The following DOCK6 variants were observed in gnomAD, a reference collection of about 807,000 sequenced individuals.
DOCK6 encodes dedicator of cytokinesis 6.
DOCK6 carries 167 observed loss-of-function variants against 230.3 expected under a neutral mutation model. The ratio of observed to expected loss-of-function variants is 0.73; its 90% CI spans 0.64 to 0.82. The LOEUF (loss-of-function observed/expected upper bound fraction) is 0.82, where lower values mean the gene tolerates loss of function less well. DOCK6 is among the 40% of genes least tolerant of loss of function. The pLI, the probability that DOCK6 is intolerant of heterozygous loss-of-function variation, is 0.00. For missense variants in DOCK6, 2,598 were observed against 2,825.8 expected (o/e 0.92, Z 1.83); for synonymous variants, 1,148 against 1,185.0 (o/e 0.97, Z 0.64).
At chr19:11,237,147 T>G (rs1395763798) in intron 18 of DOCK6, 4 of 586,906 alleles carry the variant, frequency 6.8e-6, no homozygotes, top group Non-Finnish European at 1.2e-5. Context: ...TAGGAGGATT[T>G]GAGGCCTAGG....
intron 24 of DOCK6, among the ~76,000 whole-genome samples, chr19:11,224,731 C>T (rs2079637488): frequency 6.6e-6 from 1 of 152,130 alleles, no homozygotes; most frequent in African/African-American, 2.4e-5. Context: ...TCTCTTGAGC[C>T]ACTCTGAGGC....
At chr19:11,258,625 G>T (rs1438918981) in intron 1 of DOCK6, among the ~76,000 whole-genome samples, 4 of 151,678 alleles carry the variant, frequency 2.6e-5, no homozygotes, top group Non-Finnish European at 4.4e-5. Flanking sequence ...TAGAGATGGG[G>T]TTTCACCATG....
chr19:11,258,128 GA>G (rs1457968043), intron 1 of DOCK6, among the ~76,000 whole-genome samples: 1 of 152,192 alleles, frequency 6.6e-6, no homozygotes, highest in Non-Finnish European at 1.5e-5. Context: ...ACCAAAGAGG[GA>G]AATAAATGCA....
chr19:11,222,871 G>T lies in DOCK6; in HGVS notation c.3104C>A (p.Ala1035Glu). Residue 1035 changes from alanine (A) to glutamate (E), a missense_variant, in exon 26 of 48, where the codon GCA (alanine) becomes GAA (glutamate). Coordinates refer to ENST00000294618, the MANE Select transcript of DOCK6 (RefSeq NM_020812.4). This position sits in a 1 kb window ranked among gnomAD's most constrained non-coding sequence, Gnocchi z 4.0. ...TTCCATGCGCAGGGTCAGCAGGGCT[G>T]CTGGATTAGGGGACGACTGGAGCCG... ...ATRLQSSPNPAALLTLRMEFT... is the reference protein window; with the variant it reads ...ATRLQSSPNPEALLTLRMEFT... 1.2e-6 allele frequency: 2 copies of T among 1,606,940 alleles called. No homozygotes were observed. Among genetic ancestry groups the T allele is most frequent in the Non-Finnish European group, 1.7e-6 (2 of 1,176,984 alleles).
chr19:11,208,584 T>G (rs1032011104), intron 39 of DOCK6, 102 bp downstream of exon 39: 2 of 1,482,634 alleles, frequency 1.3e-6, no homozygotes, highest in Non-Finnish European at 1.8e-6. Flanking sequence ...CAGCCTATTC[T>G]CCTTCTTTCT....
Position 11,203,731 on chromosome 19 carries a change from C to T in DOCK6, c.5235+350G>A, listed in dbSNP as rs1429925984. 7.7e-6 allele frequency: 3 copies of T among 388,732 alleles called. No individual in the cohort carries two copies. The Admixed American group carries it at 1.3e-4, about 17-fold the overall frequency. 24.1% of individuals were successfully genotyped at this position (388,732 alleles called of 1,614,324 possible). ...AGTGAGATACCAAGATAGGGAGAGCCACGTGATAGACTGGGGAGAGATGAG... is the reference window on the plus strand; with the variant it reads ...AGTGAGATACCAAGATAGGGAGAGCTACGTGATAGACTGGGGAGAGATGAG... On this transcript the variant is annotated intron_variant, in intron 41 of 47. Transcript: ENST00000294618.
In DOCK6 at chr19:11,219,858, A is replaced by G. The variant is rs377585432; in HGVS notation, c.3550+1993T>C. On this transcript the variant is annotated intron_variant, in intron 28 of 47. Coordinates refer to ENST00000294618, the MANE Select transcript of DOCK6 (RefSeq NM_020812.4). The stretch of plus-strand genomic sequence containing the variant: ...GGAGATAAGTACTTTCATTAGTCCC[A>G]CTTTATGGACGAAGAAATTGAGGTA... 1.2e-4 allele frequency among the ~76,000 whole-genome samples: 19 copies of G among 152,104 alleles called. No individual in the cohort carries two copies. The East Asian group carries it at 2.5e-3, about 20-fold the overall frequency.
At position 11,213,313 on chromosome 19, in the gene DOCK6, A is replaced by C; in HGVS notation, c.4354T>G (p.Phe1452Val). ...GCACACAGCTCCGTGTCCTCCTCGAACAGCAGCTCCGGGAACTGCCCCCAA... is the reference window on the plus strand; with the variant it reads ...GCACACAGCTCCGTGTCCTCCTCGACCAGCAGCTCCGGGAACTGCCCCCAA... The part of the protein sequence containing the change: ...ALVSKFPELL[F>V]EEDTELCADL... Residue 1452 changes from phenylalanine to valine, a missense_variant, in exon 35 of 48, where the codon TTC becomes GTC. Physicochemically the swap from Phe to Val is conservative, Grantham distance 50. Coordinates refer to ENST00000294618, the MANE Select transcript of DOCK6 (RefSeq NM_020812.4). The C allele has an allele frequency of 6.2e-7, 1 of 1,611,778 alleles. No individual in the cohort carries two copies. Among genetic ancestry groups the C allele is most frequent in the Non-Finnish European group, 8.5e-7 (1 of 1,179,732 alleles).
chr19:11,232,267 C>A, intron 22 of DOCK6: 3 of 1,289,658 alleles, frequency 2.3e-6, no homozygotes, highest in Non-Finnish European at 3.0e-6. Context: ...GGAATTCACC[C>A]AGGAGTGTGA....
Position 11,201,137 on chromosome 19 carries a change from T to G in DOCK6, c.5689-85A>C. The G allele has an allele frequency of 1.3e-6, 2 of 1,524,812 alleles. No individual in the cohort carries two copies. The highest frequency in any genetic ancestry group is 1.8e-6 in the Non-Finnish European group (2 of 1,126,060). The allele number at this position is 1,524,812 out of a possible 1,614,324, so 94.5% of individuals were successfully genotyped here. ...CAGTCGGGGGCAGCTCAGACCCCGC[T>G]GGGAGTGAGAGGGGTCCAAGAACCC... On this transcript the variant is annotated intron_variant, in intron 44 of 47. Coordinates refer to ENST00000294618, the MANE Select transcript of DOCK6 (RefSeq NM_020812.4). The surrounding 1 kb of genome is among the most constrained non-coding windows in gnomAD (Gnocchi z 4.3).
In DOCK6 at chr19:11,222,283, G is replaced by T; in HGVS notation, c.3241-35C>A. Reference sequence around the variant, plus strand: ...GGGGGAAAAATGGGGGATGCCAGCGGTCAAGGGTCAGAGGTGGCAGGTCAC... The same window carrying T: ...GGGGGAAAAATGGGGGATGCCAGCGTTCAAGGGTCAGAGGTGGCAGGTCAC... On this transcript the variant is annotated intron_variant, in intron 26 of 47. Coordinates refer to ENST00000294618, the MANE Select transcript of DOCK6 (RefSeq NM_020812.4). The surrounding 1 kb of genome is among the most constrained non-coding windows in gnomAD (Gnocchi z 4.0). 6.4e-7 allele frequency: 1 copy of T among 1,574,028 alleles called. No individual in the cohort carries two copies. The highest frequency in any genetic ancestry group is 8.6e-7 in the Non-Finnish European group (1 of 1,159,734).
chr19:11,254,145 CTTTGGATAAG>C (rs1472178732), intron 1 of DOCK6: 1 of 161,526 alleles, frequency 6.2e-6, no homozygotes, highest in Non-Finnish European at 1.3e-5. Flanking sequence ...TGCTTTGGGG[CTTTGGATAAG>C]TCATTTCCAC....
chr19:11,239,574 G>A (rs1233971954), intron 14 of DOCK6: 4 of 1,586,952 alleles, frequency 2.5e-6, no homozygotes, highest in East Asian at 2.2e-5. Context: ...CTGGGGATCA[G>A]TGGGGGTATG....
Position 11,201,824 on chromosome 19 carries a change from T to TC in DOCK6, c.5688+64dup. 16 of 707,668 alleles carry TC rather than the reference T, an allele frequency of 2.3e-5. No individual in the cohort carries two copies. The highest frequency in any genetic ancestry group is 1.5e-4 in the Admixed American group (6 of 41,216). 43.8% of individuals were successfully genotyped at this position (707,668 alleles called of 1,614,324 possible). ...CTGGGTCCCTGTGTCTACCCTCCCCTCCCCTCCCAGGGTCTGATGTCCCCT... is the reference window on the plus strand; with the variant it reads ...CTGGGTCCCTGTGTCTACCCTCCCCTCCCCCTCCCAGGGTCTGATGTCCCCT... On this transcript the variant is annotated intron_variant, in intron 44 of 47. Coordinates refer to ENST00000294618, the MANE Select transcript of DOCK6 (RefSeq NM_020812.4). The surrounding 1 kb of genome is among the most constrained non-coding windows in gnomAD (Gnocchi z 4.3).
In DOCK6 at chr19:11,237,559, T is replaced by A; in HGVS notation, c.1972-2A>T. On this transcript the variant is annotated splice_acceptor_variant, in intron 17 of 47. Coordinates refer to ENST00000294618, the MANE Select transcript of DOCK6 (RefSeq NM_020812.4). LOFTEE classifies it high-confidence loss of function. ...CCCGTGCTGCAGCAGTGGGATCCAC[T>A]GGGGAGAGGCTGGAGGTCAGGTCTG... 1 of 1,288,982 alleles carries A rather than the reference T, an allele frequency of 7.8e-7. No homozygotes were observed. The highest frequency in any genetic ancestry group is 1.0e-6 in the Non-Finnish European group (1 of 991,118). The allele number at this position is 1,288,982 out of a possible 1,614,324, so 79.8% of individuals were successfully genotyped here. A position where few individuals can be genotyped will look rare whatever the true frequency, so the allele number is the denominator to read the frequency against.
chr19:11,248,247 C>CCTGA, intron 6 of DOCK6, 96 bp from the exon 7 acceptor site: 1 of 894,884 alleles, frequency 1.1e-6, no homozygotes, highest in South Asian at 1.7e-5. Flanking sequence ...TCTACCCCAG[C>CCTGA]CTGACTAACC....
In DOCK6 at chr19:11,243,096, G is replaced by T. The variant is rs1313645956; in HGVS notation, c.1443C>A (p.Arg481=). The T allele has an allele frequency of 1.9e-6, 3 of 1,613,952 alleles. No individual in the cohort carries two copies. The South Asian group carries it at 3.3e-5, about 18-fold the overall frequency. ...GTAGTCGCCGCAGCAGGGACGACGGGCGCCTCATGTCAGCCAGGAACTTGA... is the reference window on the plus strand; with the variant it reads ...GTAGTCGCCGCAGCAGGGACGACGGTCGCCTCATGTCAGCCAGGAACTTGA... ...DLFKFLADMR[R]PSSLLRRLRP... is the part of the protein sequence containing the mutation. Residue 481 remains arginine, a synonymous_variant, in exon 13 of 48, where the codon CGC becomes CGA. Transcript: ENST00000294618. The surrounding 1 kb of genome is among the most constrained non-coding windows in gnomAD (Gnocchi z 6.3).
At chr19:11,219,431 G>A (rs2079547042) in intron 28 of DOCK6, among the ~76,000 whole-genome samples, 1 of 149,396 alleles carries the variant, frequency 6.7e-6, no homozygotes, top group African/African-American at 2.5e-5. Flanking sequence ...CTTGTGATCC[G>A]CCCACCTCAG....
chr19:11,201,155 A>G lies in DOCK6; in HGVS notation c.5689-103T>C. On this transcript the variant is annotated intron_variant, in intron 44 of 47. Transcript: ENST00000294618. This position sits in a 1 kb window ranked among gnomAD's most constrained non-coding sequence, Gnocchi z 4.3. ...ACCCCGCTGGGAGTGAGAGGGGTCC[A>G]AGAACCCAGGCAATGAACAGAATCT... 1 of 1,417,640 alleles carries G rather than the reference A, an allele frequency of 7.1e-7. No individual in the cohort carries two copies. The highest frequency in any genetic ancestry group is 9.6e-7 in the Non-Finnish European group (1 of 1,039,736). The allele number at this position is 1,417,640 out of a possible 1,614,324, so 87.8% of individuals were successfully genotyped here. A position where few individuals can be genotyped will look rare whatever the true frequency, so the allele number is the denominator to read the frequency against.
Sources: gnomAD v4.1 joint callset for allele counts (sites outside exome capture counted in the v4.1 genomes callset) on GRCh38, gnomAD v4.1.1 for gene constraint, Gnocchi (gnomAD v3.1) non-coding constraint, MANE v1.5 for transcripts, NCBI Gene and HGNC (gene_info 2026-07-23, HGNC 2026-07-21) for gene names.